Variants in EBF1 observed in about 807,000 individuals in gnomAD.
EBF1 encodes transcription factor COE1.
A neutral mutation model predicts 68.4 loss-of-function variants in EBF1; 10 were observed. The observed-to-expected ratio is 0.15, with a 90% CI of 0.09 to 0.25. The LOEUF (loss-of-function observed/expected upper bound fraction) is 0.25, where lower values mean the gene tolerates loss of function less well. Among genes scored for constraint, EBF1 ranks in the 10% least tolerant of loss-of-function variants. EBF1 has a pLI of 1.00. For missense variants in EBF1, 509 were observed against 794.4 expected, an observed-to-expected ratio of 0.64 and a Z score of 4.32; for synonymous variants, 298 against 299.8, an observed-to-expected ratio of 0.99 and a Z score of 0.06.
At chr5:158,834,833 C>T (rs1368691616) in intron 7 of EBF1, among the ~76,000 whole-genome samples, 4 of 152,192 alleles carry the variant, frequency 2.6e-5, no homozygotes, top group East Asian at 1.9e-4. Flanking sequence ...TCAGGCTGGC[C>T]GGCAAGCATA....
intron 4 of EBF1, among the ~76,000 whole-genome samples, chr5:159,091,029 C>T (rs1781528972): frequency 6.6e-6 from 1 of 152,146 alleles, no homozygotes; most frequent in Non-Finnish European, 1.5e-5. Context: ...ACTATGTAGA[C>T]AATTCACCAA....
At chr5:158,988,399 C>T (rs1759569400) in intron 6 of EBF1, among the ~76,000 whole-genome samples, 1 of 152,182 alleles carries the variant, frequency 6.6e-6, no homozygotes, top group African/African-American at 2.4e-5. Context: ...GAGTCCAGGC[C>T]TCTGCCAGGC....
Position 158,829,743 on chromosome 5 carries a change from T to A in EBF1, c.637-6426A>T, listed in dbSNP as rs144054358. Among the ~76,000 whole-genome samples, 892 of 152,270 alleles carry A rather than the reference T, an allele frequency of 5.9e-3. 13 individuals carry two copies. Among genetic ancestry groups the A allele is most frequent in the African/African-American group, 0.021 (857 of 41,530 alleles). ...CATTCTACCTGTCAGCTGAACTACT[T>A]TGCAGACTCGTCAAATGTTAGAGTC... On this transcript the variant is annotated intron_variant, in intron 7 of 15. Coordinates refer to ENST00000313708, the MANE Select transcript of EBF1 (RefSeq NM_024007.5).
intron 6 of EBF1, among the ~76,000 whole-genome samples, chr5:158,891,410 G>A (rs1801160308): frequency 1.3e-5 from 2 of 152,052 alleles, no homozygotes. Context: ...ATATATATGT[G>A]TATTTTTCCC....
chr5:158,804,345 C>T (rs1225615721), intron 8 of EBF1, among the ~76,000 whole-genome samples: 1 of 152,020 alleles, frequency 6.6e-6, no homozygotes, highest in Non-Finnish European at 1.5e-5. Context: ...AAATTATATT[C>T]TCTTCCTATT....
chr5:158,758,009 T>C (rs1395992141), intron 10 of EBF1, among the ~76,000 whole-genome samples: 1 of 152,210 alleles, frequency 6.6e-6, no homozygotes, highest in Admixed American at 6.6e-5. Flanking sequence ...TTAAAGTCTT[T>C]AATAACAGCT....
At chr5:158,898,675 T>G (rs571196460) in intron 6 of EBF1, among the ~76,000 whole-genome samples, 1 of 152,380 alleles carries the variant, frequency 6.6e-6, no homozygotes, top group African/African-American at 2.4e-5. Flanking sequence ...CTGGTAGTAC[T>G]GCACTCAGTG....
chr5:158,699,089 A>ACAATT lies in EBF1; in HGVS notation c.*17_*21dup, dbSNP rs1756213183. ...AGCAGAATCCAACCTCTTCATTAAT[A>ACAATT]CAATTCTTCAAGGCAATTCTTTCAC... On this transcript the variant is annotated 3_prime_UTR_variant, in exon 16 of 16. Coordinates refer to ENST00000313708, the MANE Select transcript of EBF1 (RefSeq NM_024007.5). 1 of 1,600,028 alleles carries ACAATT rather than the reference A, an allele frequency of 6.2e-7. No individual in the cohort carries two copies. The highest frequency in any genetic ancestry group is 8.5e-7 in the Non-Finnish European group (1 of 1,173,848).
rs530086735 is a variant in EBF1 at position 158,941,651 on chromosome 5, C to T, written c.555-101541G>A. On this transcript the variant is annotated intron_variant, in intron 6 of 15. Coordinates refer to ENST00000313708, the MANE Select transcript of EBF1 (RefSeq NM_024007.5). ...GTTGCTATATATCTTGGAACAAAGC[C>T]TTGGTATAGTGGGGGTGTGATAGCA... 5.1e-3 allele frequency among the ~76,000 whole-genome samples: 783 copies of T among 152,300 alleles called. 6 individuals carry two copies. The highest frequency in any genetic ancestry group is 8.3e-3 in the Non-Finnish European group (564 of 68,010).
intron 6 of EBF1, among the ~76,000 whole-genome samples, chr5:159,052,121 C>T (rs370114789): frequency 3.2e-4 from 48 of 151,764 alleles, no homozygotes; most frequent in African/African-American, 1.0e-3. Context: ...CTACCATGAA[C>T]GCAATTTTGG....
At chr5:158,790,019 A>G (rs1446782266) in intron 9 of EBF1, among the ~76,000 whole-genome samples, 1 of 152,188 alleles carries the variant, frequency 6.6e-6, no homozygotes, top group African/African-American at 2.4e-5. Flanking sequence ...CCATTTACCC[A>G]ACTATATTCA....
At chr5:158,984,816 T>G (rs1758694514) in intron 6 of EBF1, 1 of 151,576 alleles carries the variant, frequency 6.6e-6, no homozygotes, top group South Asian at 2.1e-4. Flanking sequence ...CTTGAGTAGC[T>G]GGGACTACAG....
intron 11 of EBF1, among the ~76,000 whole-genome samples, chr5:158,724,338 TAGTG>T (rs1327006683): frequency 3.3e-5 from 5 of 152,170 alleles, no homozygotes; most frequent in African/African-American, 9.6e-5. Context: ...GAAAGAGAGA[TAGTG>T]AGAGTGAGAG....
intron 7 of EBF1, among the ~76,000 whole-genome samples, chr5:158,838,138 A>G (rs948343229): frequency 6.6e-6 from 1 of 152,148 alleles, no homozygotes; most frequent in Non-Finnish European, 1.5e-5. Flanking sequence ...AACATTTTGC[A>G]AGAAACTAGA....
rs1005496887 is a variant in EBF1, at chr5:159,067,181, A to G, written c.554+6215T>C. On this transcript the variant is annotated intron_variant, in intron 6 of 15. Coordinates refer to ENST00000313708, the MANE Select transcript of EBF1 (RefSeq NM_024007.5). Reference sequence around the variant, plus strand: ...CCCCCCATTCTAAGCAACTTCTTTTAGGAAAGTAAAAGCATGTTTAATATA... The same window carrying G: ...CCCCCCATTCTAAGCAACTTCTTTTGGGAAAGTAAAAGCATGTTTAATATA... 1.2e-4 allele frequency among the ~76,000 whole-genome samples: 18 copies of G among 152,202 alleles called. 1 individual carries two copies. Among genetic ancestry groups the G allele is most frequent in the Admixed American group, 1.2e-3 (18 of 15,288 alleles).
chr5:158,994,290 A>G (rs952191394), intron 6 of EBF1, among the ~76,000 whole-genome samples: 1 of 152,224 alleles, frequency 6.6e-6, no homozygotes, highest in South Asian at 2.1e-4. Context: ...TATAAGTACA[A>G]TGAGCGATCT....
intron 6 of EBF1, among the ~76,000 whole-genome samples, chr5:158,866,833 G>GTATATATATATATATA (rs70987938): frequency 2.2e-5 from 2 of 92,862 alleles, no homozygotes; most frequent in Admixed American, 1.3e-4. Flanking sequence ...ATATGTATAT[G>GTATATATATATATATA]TATATATATA....
intron 7 of EBF1, among the ~76,000 whole-genome samples, chr5:158,836,871 TGGTGGCCAA>T (rs985792694): frequency 6.6e-6 from 1 of 152,218 alleles, no homozygotes; most frequent in Non-Finnish European, 1.5e-5. Flanking sequence ...ACTGACTCTA[TGGTGGCCAA>T]GGTAGCTGCC....
chr5:159,074,518 A>C (rs1261755895), intron 5 of EBF1, among the ~76,000 whole-genome samples: 6 of 152,222 alleles, frequency 3.9e-5, no homozygotes, highest in Non-Finnish European at 7.3e-5. Context: ...AGAGATACAC[A>C]CATACGCGCA....
Sources: allele counts gnomAD v4.1 joint callset (sites outside exome capture counted in the v4.1 genomes callset), GRCh38; gene constraint gnomAD v4.1.1; transcripts MANE v1.5; gene names NCBI Gene and HGNC (gene_info 2026-07-23, HGNC 2026-07-21).